SYNPR: variants seen among roughly 807,000 people sequenced by gnomAD.
The protein encoded by SYNPR is synaptoporin.
A neutral mutation model predicts 32.9 loss-of-function variants in SYNPR; 23 were observed. That is an observed-to-expected ratio of 0.70 (90% CI 0.50 to 0.99). The LOEUF is 0.99. Among genes scored for constraint, SYNPR ranks in the 50% least tolerant of loss-of-function variants. The pLI is 0.00. For missense variants in SYNPR, 318 were observed against 349.3 expected, an observed-to-expected ratio of 0.91 and a Z score of 0.71; for synonymous variants, 146 against 135.9, an observed-to-expected ratio of 1.07 and a Z score of -0.52.
At chr3:63,289,960 C>G (rs1368163525) in intron 2 of SYNPR, among the ~76,000 whole-genome samples, 1 of 151,966 alleles carries the variant, frequency 6.6e-6, no homozygotes, top group East Asian at 1.9e-4. Flanking sequence ...GAAACCCCCT[C>G]TCTACTAAAA....
At chr3:63,264,522 A>C (rs539125897) in intron 2 of SYNPR, among the ~76,000 whole-genome samples, 1 of 152,236 alleles carries the variant, frequency 6.6e-6, no homozygotes, top group Non-Finnish European at 1.5e-5. Context: ...AACTCCTATC[A>C]GCACATAGCA....
chr3:63,503,121 C>G (rs145193969), intron 3 of SYNPR, among the ~76,000 whole-genome samples: 2 of 152,160 alleles, frequency 1.3e-5, no homozygotes, highest in Non-Finnish European at 2.9e-5. Flanking sequence ...TATCAGTGTT[C>G]TGGATTTTTG....
intron 2 of SYNPR, among the ~76,000 whole-genome samples, chr3:63,421,282 G>A (rs1265426690): frequency 2.0e-5 from 3 of 151,806 alleles, no homozygotes; most frequent in Non-Finnish European, 4.4e-5. Context: ...ATTAAAATAA[G>A]AGAAATAAAA....
the SYNPR span, among the ~76,000 whole-genome samples, chr3:63,208,629 T>C: frequency 7.2e-5 from 11 of 152,318 alleles, no homozygotes; most frequent in South Asian, 8.3e-4. Context: ...TCTCAAATAC[T>C]GTTCCAGGAG....
intron 2 of SYNPR, among the ~76,000 whole-genome samples, chr3:63,428,663 C>T (rs1399892914): frequency 6.6e-6 from 1 of 152,238 alleles, no homozygotes; most frequent in African/African-American, 2.4e-5. Flanking sequence ...TAGGCTAGGA[C>T]AGACAGCCTT....
intron 2 of SYNPR, among the ~76,000 whole-genome samples, chr3:63,413,854 G>A (rs1461414095): frequency 6.6e-6 from 1 of 151,970 alleles, no homozygotes; most frequent in Non-Finnish European, 1.5e-5. Flanking sequence ...GATAATGGAG[G>A]AGTTGAACAT....
rs909529888 is a variant in SYNPR at position 63,260,882 on chromosome 3, AAAAACCATC to A, written n.155-6430_155-6422del. 1.2e-3 allele frequency among the ~76,000 whole-genome samples: 188 copies of A among 151,588 alleles called. 2 individuals are homozygous for A. Among genetic ancestry groups the A allele is most frequent in the African/African-American group, 4.2e-3 (173 of 41,422 alleles). ...ACTCAAACAAATTTACAAGAAAAAA[AAAAACCATC>A]AAAAGTAGGTGAAAGATATGAACAG... is the stretch of plus-strand genomic sequence containing the variant. On this transcript the variant is annotated intron_variant and non_coding_transcript_variant, in intron 2 of 4. Transcript: ENST00000478456.
chr3:63,469,167 A>T (rs998431449), intron 2 of SYNPR, among the ~76,000 whole-genome samples: 1 of 152,132 alleles, frequency 6.6e-6, no homozygotes, highest in Non-Finnish European at 1.5e-5. Flanking sequence ...AACGCTGCAC[A>T]TGGCAATCTG....
intron 2 of SYNPR, among the ~76,000 whole-genome samples, chr3:63,262,489 C>G (rs1461538077): frequency 6.6e-6 from 1 of 152,146 alleles, no homozygotes; most frequent in Non-Finnish European, 1.5e-5. Context: ...AACTCCCCTG[C>G]ACTTCTAGAC....
intron 2 of SYNPR, among the ~76,000 whole-genome samples, chr3:63,366,684 G>C (rs1198663536): frequency 1.3e-5 from 2 of 152,172 alleles, no homozygotes; most frequent in African/African-American, 2.4e-5. Flanking sequence ...TTCTATCAAA[G>C]AGTTACAATG....
At chr3:63,365,697 T>C (rs2087720941) in intron 2 of SYNPR, among the ~76,000 whole-genome samples, 1 of 152,212 alleles carries the variant, frequency 6.6e-6, no homozygotes, top group Non-Finnish European at 1.5e-5. Flanking sequence ...GAAAAGAATG[T>C]TATCCAGGGC....
chr3:63,570,220 G>A (rs930261434), intron 4 of SYNPR, among the ~76,000 whole-genome samples: 4 of 152,118 alleles, frequency 2.6e-5, no homozygotes, highest in African/African-American at 4.8e-5. Flanking sequence ...GGGCGGGTGA[G>A]GGGGCCAGGG....
At chr3:63,433,491 C>A (rs1700027082) in intron 2 of SYNPR, among the ~76,000 whole-genome samples, 1 of 152,258 alleles carries the variant, frequency 6.6e-6, no homozygotes, top group African/African-American at 2.4e-5. Context: ...TCTAAACAGG[C>A]CTGCAGTAAT....
At chr3:63,613,029 G>T (rs1468705221) in intron 5 of SYNPR, among the ~76,000 whole-genome samples, 1 of 150,888 alleles carries the variant, frequency 6.6e-6, no homozygotes, top group Non-Finnish European at 1.5e-5. Flanking sequence ...GGGAGGTGCA[G>T]TGGTGCAATC....
At chr3:63,236,740 T>C (rs537808781) in intron 1 of SYNPR, among the ~76,000 whole-genome samples, 1 of 152,302 alleles carries the variant, frequency 6.6e-6, no homozygotes, top group South Asian at 2.1e-4. Context: ...ATACTCACTT[T>C]CCAGTTCTAG....
At chr3:63,232,807 A>T (rs1042017629) in intron 1 of SYNPR, among the ~76,000 whole-genome samples, 2 of 152,190 alleles carry the variant, frequency 1.3e-5, no homozygotes, top group Non-Finnish European at 1.5e-5. Context: ...AAATATTTTA[A>T]TTTGATATAG....
intron 4 of SYNPR, among the ~76,000 whole-genome samples, chr3:63,587,092 A>G (rs1178720848): frequency 1.3e-5 from 2 of 152,014 alleles, no homozygotes; most frequent in Admixed American, 1.3e-4. Flanking sequence ...CAACAGAGTG[A>G]TCCTATTTTC....
At chr3:63,429,876 G>A (rs1265528693) in intron 2 of SYNPR, among the ~76,000 whole-genome samples, 1 of 152,152 alleles carries the variant, frequency 6.6e-6, no homozygotes, top group Non-Finnish European at 1.5e-5. Context: ...AGTTTGTTCT[G>A]TTTTACTTGG....
chr3:63,612,313 CA>C (rs1400260709), intron 5 of SYNPR, among the ~76,000 whole-genome samples: 3 of 152,154 alleles, frequency 2.0e-5, no homozygotes, highest in African/African-American at 7.2e-5. Context: ...CGGTCATTCC[CA>C]AATGTCATAC....
Sources: gnomAD v4.1 joint callset for allele counts (sites outside exome capture counted in the v4.1 genomes callset) on GRCh38, gnomAD v4.1.1 for gene constraint, MANE v1.5 for transcripts, NCBI Gene and HGNC (gene_info 2026-07-23, HGNC 2026-07-21) for gene names.